The following CDH19 variants were observed in gnomAD, a reference collection of about 807,000 sequenced individuals.
CDH19 encodes cadherin-19.
CDH19 carries 67 observed loss-of-function variants against 64.2 expected under a neutral mutation model. That is an observed-to-expected ratio of 1.04 (90% CI 0.86 to 1.28). The LOEUF (loss-of-function observed/expected upper bound fraction) is 1.28. CDH19 is among the 50% of genes most tolerant of loss of function. CDH19 has a pLI of 0.00. For synonymous variants in CDH19, 346 were observed against 319.3 expected (o/e 1.08, Z -0.89); for missense variants, 1,030 against 929.0 (o/e 1.11, Z -1.41).
chr18:66,574,875 C>T (rs573178026), intron 1 of CDH19, among the ~76,000 whole-genome samples: 2 of 151,842 alleles, frequency 1.3e-5, no homozygotes, highest in African/African-American at 4.8e-5. Context: ...ACTGCAGAAA[C>T]ATTTTTAAAG....
chr18:66,545,044 T>G, intron 5 of CDH19, 141 bp from the exon 6 acceptor site: 1 of 572,016 alleles, frequency 1.7e-6, no homozygotes, highest in Non-Finnish European at 2.9e-6. Flanking sequence ...AGTGGTGTGA[T>G]CTCGGTTCAC....
rs1432627729 is a variant in CDH19, at chr18:66,502,573, T to A, written c.*2239A>T. 1 of 151,966 alleles carries A rather than the reference T, an allele frequency of 6.6e-6. No individual in the cohort carries two copies. Among genetic ancestry groups the A allele is most frequent in the African/African-American group, 2.4e-5 (1 of 41,448 alleles). The allele number at this position is 151,966 out of a possible 1,614,324, so 9.4% of individuals were successfully genotyped here. On this transcript the variant is annotated 3_prime_UTR_variant, in exon 12 of 12. Transcript: ENST00000262150. ...ATACTTTTTAGTTTTCTACTAAGATTACCTAGCATTCTTTTTAAATAAAGG... is the reference window on the plus strand; with the variant it reads ...ATACTTTTTAGTTTTCTACTAAGATAACCTAGCATTCTTTTTAAATAAAGG...
rs1385226240 is a variant in CDH19, at chr18:66,544,716, T to C, written c.960+3A>G. On this transcript the variant is annotated splice_donor_region_variant and intron_variant, in intron 6 of 11. Coordinates refer to ENST00000262150, the MANE Select transcript of CDH19 (RefSeq NM_021153.4). Reference sequence around the variant, plus strand: ...GCAAGGCAAATAATTTTAACATGTCTACCTTTTTTAATATAACTATTCCTT... The same window carrying C: ...GCAAGGCAAATAATTTTAACATGTCCACCTTTTTTAATATAACTATTCCTT... 6.3e-7 allele frequency: 1 copy of C among 1,585,856 alleles called. No individual in the cohort carries two copies. The highest frequency in any genetic ancestry group is 1.7e-4 in the Middle Eastern group (1 of 5,964).
intron 3 of CDH19, among the ~76,000 whole-genome samples, chr18:66,560,747 C>T (rs1175020088): frequency 6.6e-6 from 1 of 151,962 alleles, no homozygotes; most frequent in Non-Finnish European, 1.5e-5. Flanking sequence ...ATTTAGGGTG[C>T]ATTATCTGAT....
chr18:66,593,062 AT>A (rs527949082), intron 1 of CDH19, among the ~76,000 whole-genome samples: 10 of 150,708 alleles, frequency 6.6e-5, no homozygotes, highest in Admixed American at 2.0e-4. Context: ...TCACAACAGT[AT>A]TTTTTTTTAG....
intron 3 of CDH19, among the ~76,000 whole-genome samples, chr18:66,555,047 C>T (rs185964301): frequency 1.5e-3 from 225 of 151,838 alleles, no homozygotes; most frequent in African/African-American, 5.2e-3. Flanking sequence ...CTCTAATATA[C>T]CTACTTCCTT....
intron 1 of CDH19, among the ~76,000 whole-genome samples, chr18:66,591,686 T>C (rs1988750942): frequency 6.6e-6 from 1 of 151,878 alleles, no homozygotes; most frequent in Admixed American, 6.6e-5. Flanking sequence ...ATTGATAATC[T>C]AGCAACTTAC....
chr18:66,511,913 C>CT (rs1985511713), intron 9 of CDH19, among the ~76,000 whole-genome samples: 1 of 151,646 alleles, frequency 6.6e-6, no homozygotes, highest in East Asian at 1.9e-4. Flanking sequence ...TAAACAAACT[C>CT]TTGTTGATGG....
chr18:66,552,456 C>T lies in CDH19; in HGVS notation c.611-1198G>A, dbSNP rs573422936. Among the ~76,000 whole-genome samples the T allele has an allele frequency of 6.6e-5, 10 of 151,588 alleles. 1 individual carries two copies. The highest frequency in any genetic ancestry group is 2.6e-4 in the Admixed American group (4 of 15,204). On this transcript the variant is annotated intron_variant, in intron 4 of 11. Transcript: ENST00000262150. ...CCATAACATGAGGGGATTTTAGTTG[C>T]GGACTAAAGTGTTTCACACATGTAA...
chr18:66,559,869 T>C (rs1369006752), intron 3 of CDH19, among the ~76,000 whole-genome samples: 1 of 151,888 alleles, frequency 6.6e-6, no homozygotes, highest in Non-Finnish European at 1.5e-5. Context: ...ATTAGATGAC[T>C]ACTTAAAAAT....
At chr18:66,559,449 C>T (rs555169860) in intron 3 of CDH19, among the ~76,000 whole-genome samples, 1 of 151,666 alleles carries the variant, frequency 6.6e-6, no homozygotes, top group South Asian at 2.1e-4. Flanking sequence ...TTGTACTGAA[C>T]TTCCTAGACA....
In CDH19 at chr18:66,533,213, TACACAC is replaced by T. The variant is rs35376051; in HGVS notation, c.1336+1767_1336+1772del. ...AAAAATTAAAATTTCTAGGATTTAT[TACACAC>T]ACACACACACACACACACACATCCA... On this transcript the variant is annotated intron_variant, in intron 8 of 11. Transcript: ENST00000262150. Among the ~76,000 whole-genome samples, 214 of 149,050 alleles carry T rather than the reference TACACAC, an allele frequency of 1.4e-3. 1 individual carries two copies. Among genetic ancestry groups the T allele is most frequent in the Non-Finnish European group, 2.4e-3 (160 of 67,006 alleles).
chr18:66,561,848 C>T (rs986278024), intron 3 of CDH19, among the ~76,000 whole-genome samples: 1 of 151,926 alleles, frequency 6.6e-6, no homozygotes. Context: ...TCTTGGGTTC[C>T]ATTATTGTGT....
intron 1 of CDH19, among the ~76,000 whole-genome samples, chr18:66,596,734 C>A (rs1988898325): frequency 6.6e-6 from 1 of 151,998 alleles, no homozygotes; most frequent in Admixed American, 6.6e-5. Flanking sequence ...AAGGAATTTA[C>A]AGTTTCAATG....
chr18:66,562,422 C>A (rs183077129), intron 3 of CDH19, among the ~76,000 whole-genome samples: 61 of 152,050 alleles, frequency 4.0e-4, no homozygotes, highest in Middle Eastern at 6.8e-3. Flanking sequence ...AAAATCTAAT[C>A]CCGCCACTGA....
intron 6 of CDH19, 43 bp from the exon 7 acceptor site, chr18:66,544,267 A>G: frequency 6.4e-7 from 1 of 1,555,040 alleles, no homozygotes; most frequent in South Asian, 1.2e-5. Flanking sequence ...GGCTTTAGTA[A>G]CCCAAGATAC....
intron 8 of CDH19, 87 bp from the exon 9 acceptor site, chr18:66,530,053 G>T: frequency 1.7e-6 from 1 of 574,756 alleles, no homozygotes; most frequent in Non-Finnish European, 2.7e-6. Flanking sequence ...TAGAGGCTAC[G>T]TGGTGTATTT....
chr18:66,572,938 A>G (rs1988152082), intron 1 of CDH19, among the ~76,000 whole-genome samples: 1 of 151,740 alleles, frequency 6.6e-6, no homozygotes, highest in African/African-American at 2.4e-5. Flanking sequence ...GCTTAACAAA[A>G]ACAAAATCCT....
intron 3 of CDH19, among the ~76,000 whole-genome samples, chr18:66,568,025 AT>A (rs1987971216): frequency 6.6e-6 from 1 of 151,814 alleles, no homozygotes; most frequent in Non-Finnish European, 1.5e-5. Flanking sequence ...AGTCTAATAA[AT>A]TCACTTTTCC....
Sources: gnomAD v4.1 joint callset for allele counts (sites outside exome capture counted in the v4.1 genomes callset) on GRCh38, gnomAD v4.1.1 for gene constraint, MANE v1.5 for transcripts, NCBI Gene and HGNC (gene_info 2026-07-23, HGNC 2026-07-21) for gene names.